The following LANCL2 variants were observed in gnomAD, a reference collection of about 807,000 sequenced individuals.
The protein encoded by LANCL2 is lanC-like protein 2.
Under a neutral mutation model 56.9 loss-of-function variants are expected in LANCL2, and 33 were observed. The ratio of observed to expected loss-of-function variants is 0.58; its 90% CI spans 0.44 to 0.78. LANCL2 has a LOEUF of 0.78. Ranked by LOEUF, LANCL2 falls within the 30% of genes least tolerant of loss-of-function variation. LANCL2 has a pLI of 0.00. For missense variants in LANCL2, 562 were observed against 580.2 expected (o/e 0.97, Z 0.32); for synonymous variants, 233 against 228.2 (o/e 1.02, Z -0.19).
intron 1 of LANCL2, among the ~76,000 whole-genome samples, chr7:55,383,329 G>A (rs1790089235): frequency 6.6e-6 from 1 of 152,180 alleles, no homozygotes; most frequent in Non-Finnish European, 1.5e-5. Flanking sequence ...GGATGAGGAG[G>A]AATGGTCAGT....
At chr7:55,404,064 C>T (rs1267713439) in intron 5 of LANCL2, among the ~76,000 whole-genome samples, 1 of 152,158 alleles carries the variant, frequency 6.6e-6, no homozygotes, top group Non-Finnish European at 1.5e-5. Context: ...ATGATCTTGT[C>T]TCTCAAACAT....
chr7:55,391,446 C>T (rs1004900096), intron 1 of LANCL2, among the ~76,000 whole-genome samples: 1 of 152,000 alleles, frequency 6.6e-6, no homozygotes, highest in Non-Finnish European at 1.5e-5. Flanking sequence ...TCCCCTTTGT[C>T]ATTAACTTTT....
intron 3 of LANCL2, among the ~76,000 whole-genome samples, chr7:55,398,849 T>G (rs1271006008): frequency 3.9e-5 from 6 of 152,204 alleles, no homozygotes; most frequent in African/African-American, 1.4e-4. Context: ...TTTCCTTATT[T>G]TAACCATGTT....
At chr7:55,396,876 T>G (rs570704047) in intron 2 of LANCL2, 1 of 152,318 alleles carries the variant, frequency 6.6e-6, no homozygotes, top group East Asian at 1.9e-4. Flanking sequence ...TAGTGATTAT[T>G]ATGTTTGAAA....
intron 2 of LANCL2, among the ~76,000 whole-genome samples, chr7:55,393,399 G>A (rs2128993004): frequency 6.6e-6 from 1 of 152,264 alleles, no homozygotes; most frequent in Admixed American, 6.5e-5. Context: ...GGGCATAGTG[G>A]CATGGGCCTA....
intron 3 of LANCL2, among the ~76,000 whole-genome samples, chr7:55,399,493 G>C (rs1790296367): frequency 6.6e-6 from 1 of 152,014 alleles, no homozygotes; most frequent in African/African-American, 2.4e-5. Context: ...ACAAGCATGT[G>C]CCACCACACC....
At chr7:55,376,509 A>G (rs780302124) in intron 1 of LANCL2, among the ~76,000 whole-genome samples, 5 of 152,190 alleles carry the variant, frequency 3.3e-5, no homozygotes, top group Non-Finnish European at 7.3e-5. Context: ...TCCACCAGGA[A>G]GCCCCCTGAC....
rs142896610 is a variant in LANCL2, at chr7:55,392,044, G to A, written c.322+134G>A. 1,504 of 517,338 alleles carry A rather than the reference G, an allele frequency of 2.9e-3. 23 individuals carry two copies. The highest frequency in any genetic ancestry group is 0.026 in the African/African-American group (1,359 of 52,902). 32.0% of individuals were successfully genotyped at this position (517,338 alleles called of 1,614,324 possible). A position where few individuals can be genotyped will look rare whatever the true frequency, so the allele number is the denominator to read the frequency against. On this transcript the variant is annotated intron_variant, in intron 2 of 8. Coordinates refer to ENST00000254770, the MANE Select transcript of LANCL2 (RefSeq NM_018697.4). ...ACGGTGGCTGACGCCTGTAATCCCAGCACATTTGGAGGCCGAGGCAGGTGG... is the reference window on the plus strand; with the variant it reads ...ACGGTGGCTGACGCCTGTAATCCCAACACATTTGGAGGCCGAGGCAGGTGG...
intron 3 of LANCL2, among the ~76,000 whole-genome samples, chr7:55,398,988 A>G (rs553705378): frequency 2.6e-5 from 4 of 152,364 alleles, no homozygotes; most frequent in South Asian, 2.1e-4. Context: ...TGATGGAACA[A>G]TTAGGGAATG....
At chr7:55,401,137 A>G (rs780179776) in intron 4 of LANCL2, 37 bp from the exon 5 acceptor site, 4 of 1,587,774 alleles carry the variant, frequency 2.5e-6, no homozygotes, top group Non-Finnish European at 1.7e-6. Context: ...GGGTACATAT[A>G]CAGTTTTAGA....
chr7:55,408,840 G>T (rs1790439870), intron 5 of LANCL2, among the ~76,000 whole-genome samples: 1 of 151,228 alleles, frequency 6.6e-6, no homozygotes, highest in Admixed American at 6.6e-5. Flanking sequence ...GAAATAGCTG[G>T]GTGTAGTGGC....
intron 5 of LANCL2, among the ~76,000 whole-genome samples, chr7:55,406,769 C>T (rs548466162): frequency 2.6e-5 from 4 of 152,250 alleles, no homozygotes; most frequent in African/African-American, 7.2e-5. Flanking sequence ...AAAAACAGTT[C>T]GCCTCTTGAA....
At chr7:55,385,647 G>A (rs1790116945) in intron 1 of LANCL2, among the ~76,000 whole-genome samples, 2 of 152,208 alleles carry the variant, frequency 1.3e-5, no homozygotes, top group Non-Finnish European at 2.9e-5. Flanking sequence ...CACAAGGCAA[G>A]TGGAGGCAGG....
intron 6 of LANCL2, among the ~76,000 whole-genome samples, chr7:55,414,211 G>A (rs180866649): frequency 3.3e-5 from 5 of 152,280 alleles, no homozygotes; most frequent in Admixed American, 6.5e-5. Flanking sequence ...ACCCTGCGCC[G>A]TGGAGTCTGC....
chr7:55,430,727 C>G (rs1329863765), intron 8 of LANCL2, among the ~76,000 whole-genome samples: 7 of 152,214 alleles, frequency 4.6e-5, no homozygotes, highest in African/African-American at 1.4e-4. Context: ...CTAGCACCTT[C>G]TCCACCCCAC....
Position 55,400,050 on chromosome 7 carries a change from G to T in LANCL2, c.624G>T (p.Leu208=). The T allele has an allele frequency of 1.2e-6, 2 of 1,613,476 alleles. No homozygotes were observed. Among genetic ancestry groups the T allele is most frequent in the Non-Finnish European group, 1.7e-6 (2 of 1,179,604 alleles). Residue 208 remains leucine, a synonymous_variant, in exon 4 of 9, where the codon CTG becomes CTT. Transcript: ENST00000254770. ...YGRAGYLYAL[L]YLNTEIGPGT... ...GGGCAGGTTATCTGTATGCCTTACT[G>T]TACCTGAACACAGAGATAGGTCCAG...
chr7:55,409,379 G>A (rs983474858), intron 5 of LANCL2, among the ~76,000 whole-genome samples: 11 of 151,998 alleles, frequency 7.2e-5, no homozygotes, highest in East Asian at 1.9e-4. Context: ...GTGAGCCACC[G>A]TGCCCGGCCA....
intron 7 of LANCL2, 118 bp downstream of exon 7, chr7:55,425,548 C>T (rs1325726687): frequency 1.1e-6 from 1 of 922,166 alleles, no homozygotes; most frequent in Non-Finnish European, 1.6e-6. Context: ...TCTGTAGCTT[C>T]CTCTTTTTCT....
intron 6 of LANCL2, among the ~76,000 whole-genome samples, chr7:55,420,010 G>T (rs1242421408): frequency 6.6e-6 from 1 of 151,926 alleles, no homozygotes; most frequent in East Asian, 1.9e-4. Flanking sequence ...AAATTATCTG[G>T]GCATGGTGGT....
Sources: allele counts gnomAD v4.1 joint callset (sites outside exome capture counted in the v4.1 genomes callset), GRCh38; gene constraint gnomAD v4.1.1; transcripts MANE v1.5; gene names NCBI Gene and HGNC (gene_info 2026-07-23, HGNC 2026-07-21).